The following IL20RB variants were observed in gnomAD, a reference collection of about 807,000 sequenced individuals.
IL20RB encodes interleukin-20 receptor subunit beta.
In IL20RB, 21 loss-of-function variants were observed where a neutral mutation model predicts 33.3. The ratio of observed to expected loss-of-function variants is 0.63; its 90% CI spans 0.45 to 0.91. The LOEUF is 0.91. Among genes scored for constraint, IL20RB ranks in the 40% least tolerant of loss-of-function variants. The pLI is 0.00. For missense variants in IL20RB, 345 were observed against 384.8 expected, an observed-to-expected ratio of 0.90 and a Z score of 0.86; for synonymous variants, 147 against 146.8, an observed-to-expected ratio of 1.00 and a Z score of -0.01.
chr3:136,999,720 C>T (rs1415200888), intron 6 of IL20RB, among the ~76,000 whole-genome samples: 1 of 152,050 alleles, frequency 6.6e-6, no homozygotes, highest in African/African-American at 2.4e-5. Flanking sequence ...ATTTTATTAA[C>T]CTATCTTCTT....
chr3:136,991,099 G>A (rs1182269042), intron 4 of IL20RB, among the ~76,000 whole-genome samples: 1 of 152,218 alleles, frequency 6.6e-6, no homozygotes, highest in African/African-American at 2.4e-5. Flanking sequence ...GGAGGTGGAA[G>A]GGTGAACAGA....
intron 1 of IL20RB, 192 bp from the exon 2 acceptor site, chr3:136,980,274 T>G: frequency 1.7e-6 from 1 of 596,270 alleles, no homozygotes; most frequent in Non-Finnish European, 2.9e-6. Flanking sequence ...TTGTTTCTGG[T>G]TTATAAACAT....
intron 4 of IL20RB, among the ~76,000 whole-genome samples, chr3:136,990,162 AAGC>A (rs1242500926): frequency 6.6e-6 from 1 of 151,980 alleles, no homozygotes; most frequent in African/African-American, 2.4e-5. Flanking sequence ...ATAGCCAGAC[AAGC>A]AGCAGCAGTA....
In IL20RB at chr3:137,003,862, A is replaced by G. The variant is rs535955286; in HGVS notation, c.826-6251A>G. Among the ~76,000 whole-genome samples the G allele has an allele frequency of 7.9e-5, 12 of 152,276 alleles. No homozygotes were observed. The East Asian group carries it at 2.3e-3, about 29-fold the overall frequency. Reference sequence around the variant, plus strand: ...GCTGGTTTTTAAAAGGAATGCTTCCAGTTTTTGCCCATTCAGTATGATATT... The same window carrying G: ...GCTGGTTTTTAAAAGGAATGCTTCCGGTTTTTGCCCATTCAGTATGATATT... On this transcript the variant is annotated intron_variant, in intron 6 of 6. Transcript: ENST00000329582.
chr3:136,961,000 A>G (rs1433098466), intron 1 of IL20RB, among the ~76,000 whole-genome samples: 1 of 152,212 alleles, frequency 6.6e-6, no homozygotes, highest in African/African-American at 2.4e-5. Context: ...AGGTTGCCCC[A>G]GGGCTTTTTG....
intron 3 of IL20RB, among the ~76,000 whole-genome samples, chr3:136,983,350 A>G (rs1941827912): frequency 6.6e-6 from 1 of 152,130 alleles, no homozygotes; most frequent in South Asian, 2.1e-4. Context: ...GGCCTCCCAA[A>G]GTGCTGGGAT....
rs753589854 is a variant in IL20RB at position 136,989,354 on chromosome 3, A to G, written c.407-87A>G. ...CTTCCTCTCCTACGGAGACGGACAT[A>G]TTTCCATACATGACCCGGTCATTGT... On this transcript the variant is annotated intron_variant, in intron 3 of 6. Coordinates refer to ENST00000329582, the MANE Select transcript of IL20RB (RefSeq NM_144717.4). 1.1e-5 allele frequency: 16 copies of G among 1,511,232 alleles called. No individual in the cohort carries two copies. The Admixed American group carries it at 2.6e-4, about 24-fold the overall frequency. The allele number at this position is 1,511,232 out of a possible 1,614,324, so 93.6% of individuals were successfully genotyped here.
At chr3:136,996,237 A>T (rs1257169775) in intron 6 of IL20RB, among the ~76,000 whole-genome samples, 1 of 152,126 alleles carries the variant, frequency 6.6e-6, no homozygotes, top group Non-Finnish European at 1.5e-5. Context: ...GAAACACAAA[A>T]GCAGGCCTCC....
At chr3:137,009,375 G>T (rs1476595607) in intron 6 of IL20RB, among the ~76,000 whole-genome samples, 1 of 152,144 alleles carries the variant, frequency 6.6e-6, no homozygotes, top group East Asian at 1.9e-4. Context: ...GTGTACTGGG[G>T]CCACTGAAAG....
chr3:136,962,760 AC>A (rs147854059), intron 1 of IL20RB, among the ~76,000 whole-genome samples: 14,305 of 145,586 alleles, frequency 0.098, 889 homozygotes, highest in East Asian at 0.19. Flanking sequence ...CAAAAAAAAA[AC>A]AAAAAACTCA....
chr3:137,004,447 G>A (rs911848510), intron 6 of IL20RB, among the ~76,000 whole-genome samples: 7 of 152,190 alleles, frequency 4.6e-5, no homozygotes, highest in Admixed American at 6.5e-5. Context: ...TTTAGAGCCT[G>A]TTATTGATCT....
chr3:136,974,077 G>GT (rs1205976470), intron 1 of IL20RB, among the ~76,000 whole-genome samples: 3 of 151,922 alleles, frequency 2.0e-5, no homozygotes, highest in South Asian at 2.1e-4. Flanking sequence ...AATATGTGAG[G>GT]TTTTTTCCTG....
At chr3:136,998,568 T>A (rs929924763) in intron 6 of IL20RB, among the ~76,000 whole-genome samples, 1 of 151,924 alleles carries the variant, frequency 6.6e-6, no homozygotes, top group Admixed American at 6.6e-5. Context: ...TGATTTTTTT[T>A]ATCTGAAAAT....
intron 5 of IL20RB, among the ~76,000 whole-genome samples, chr3:136,994,424 T>C (rs1354699362): frequency 6.6e-6 from 1 of 152,064 alleles, no homozygotes; most frequent in African/African-American, 2.4e-5. Flanking sequence ...CTACAAAAAT[T>C]AAAAATAAAA....
At position 136,989,484 on chromosome 3, in the gene IL20RB, C is replaced by T; in HGVS notation, c.450C>T (p.Phe150=). ...RPGMEITKDG[F]HLVIELEDLG... ...GGATGGAGATCACCAAAGATGGCTT[C>T]CACCTGGTTATTGAGCTGGAGGACC... Residue 150 remains phenylalanine, a synonymous_variant, in exon 4 of 7, where the codon TTC becomes TTT. Coordinates refer to ENST00000329582, the MANE Select transcript of IL20RB (RefSeq NM_144717.4). 6.2e-7 allele frequency: 1 copy of T among 1,614,070 alleles called. No homozygotes were observed. Among genetic ancestry groups the T allele is most frequent in the Non-Finnish European group, 8.5e-7 (1 of 1,179,964 alleles).
chr3:136,980,933 T>C (rs1941756675), intron 2 of IL20RB, among the ~76,000 whole-genome samples: 1 of 152,202 alleles, frequency 6.6e-6, no homozygotes, highest in Admixed American at 6.5e-5. Flanking sequence ...TCCTCACTTT[T>C]CCTGACTATA....
intron 4 of IL20RB, among the ~76,000 whole-genome samples, chr3:136,990,076 C>T (rs1340609507): frequency 2.6e-5 from 4 of 151,918 alleles, no homozygotes; most frequent in Non-Finnish European, 5.9e-5. Flanking sequence ...GCAGAATGCT[C>T]AGGTGGGGTG....
intron 4 of IL20RB, among the ~76,000 whole-genome samples, chr3:136,990,762 G>T (rs1942016208): frequency 6.6e-6 from 1 of 152,206 alleles, no homozygotes; most frequent in Non-Finnish European, 1.5e-5. Flanking sequence ...CCCATTCAAA[G>T]AGGGCTGTAG....
intron 5 of IL20RB, 71 bp downstream of exon 5, chr3:136,992,159 G>T: frequency 6.6e-7 from 1 of 1,519,482 alleles, no homozygotes; most frequent in South Asian, 1.2e-5. Context: ...TCAGAGGCCT[G>T]CTGGGTTCCT....
Sources: allele counts gnomAD v4.1 joint callset (sites outside exome capture counted in the v4.1 genomes callset), GRCh38; gene constraint gnomAD v4.1.1; transcripts MANE v1.5; gene names NCBI Gene and HGNC (gene_info 2026-07-23, HGNC 2026-07-21).